The following ELP4 variants were observed in gnomAD, a reference collection of about 807,000 sequenced individuals.
ELP4 encodes elongator acetyltransferase complex subunit 4.
Under a neutral mutation model 48.9 loss-of-function variants are expected in ELP4, and 51 were observed. The ratio of observed to expected loss-of-function variants is 1.04; its 90% CI spans 0.83 to 1.32. The LOEUF is 1.32. Ranked by LOEUF, ELP4 falls within the 40% of genes most tolerant of loss-of-function variation. ELP4 has a pLI of 0.00. For synonymous variants in ELP4, 210 were observed against 189.2 expected (o/e 1.11, Z -0.90); for missense variants, 519 against 514.6 (o/e 1.01, Z -0.08).
chr11:31,515,035 A>G (rs476514), intron 1 of ELP4, among the ~76,000 whole-genome samples: 15,762 of 116,544 alleles, frequency 0.14, 968 homozygotes, highest in African/African-American at 0.29. Flanking sequence ...GTGTGTGTGT[A>G]TATATATATA....
At chr11:31,758,862 C>A (rs992568729) in intron 9 of ELP4, among the ~76,000 whole-genome samples, 3 of 151,888 alleles carry the variant, frequency 2.0e-5, no homozygotes, top group Non-Finnish European at 4.4e-5. Context: ...GAGACAAGGT[C>A]TCACCATGTT....
chr11:31,735,215 A>G (rs895889719), intron 9 of ELP4, among the ~76,000 whole-genome samples: 2 of 151,908 alleles, frequency 1.3e-5, no homozygotes, highest in Non-Finnish European at 2.9e-5. Flanking sequence ...CTTACACCAT[A>G]TAGAAAAATA....
At chr11:31,751,539 G>GA (rs927200376) in intron 9 of ELP4, among the ~76,000 whole-genome samples, 1 of 151,844 alleles carries the variant, frequency 6.6e-6, no homozygotes, top group Non-Finnish European at 1.5e-5. Context: ...GGAAGATGAG[G>GA]AAAAAAACAG....
intron 9 of ELP4, among the ~76,000 whole-genome samples, chr11:31,674,421 G>A (rs1945874452): frequency 6.6e-6 from 1 of 152,176 alleles, no homozygotes; most frequent in South Asian, 2.1e-4. Context: ...GAAAAACCTT[G>A]AAGTGTGATG....
chr11:31,552,452 C>G (rs1287118199), intron 3 of ELP4, among the ~76,000 whole-genome samples: 1 of 152,116 alleles, frequency 6.6e-6, no homozygotes, highest in Non-Finnish European at 1.5e-5. Context: ...TTGGAGATCT[C>G]AAACATCACA....
intron 3 of ELP4, among the ~76,000 whole-genome samples, chr11:31,565,929 TG>T (rs1235284799): frequency 6.6e-6 from 1 of 152,180 alleles, no homozygotes; most frequent in African/African-American, 2.4e-5. Context: ...GGTAGCTTGA[TG>T]GGGATGGCAT....
intron 2 of ELP4, among the ~76,000 whole-genome samples, chr11:31,533,022 C>T (rs1417250249): frequency 6.6e-6 from 1 of 151,960 alleles, no homozygotes. Flanking sequence ...GTGATCCACC[C>T]GCCTTGGCCT....
intron 3 of ELP4, among the ~76,000 whole-genome samples, 189 bp from the exon 4 acceptor site, chr11:31,594,575 GTTAAAC>G (rs1291653844): frequency 6.6e-6 from 1 of 152,154 alleles, no homozygotes; most frequent in East Asian, 1.9e-4. Context: ...TTGCTAAAAA[GTTAAAC>G]TTAAATGTTT....
chr11:31,621,690 G>A (rs1944624843), intron 5 of ELP4, among the ~76,000 whole-genome samples: 1 of 151,786 alleles, frequency 6.6e-6, no homozygotes, highest in Non-Finnish European at 1.5e-5. Context: ...CAAGTACATT[G>A]TAAGTAAGGC....
Position 31,698,886 on chromosome 11 carries a change from C to G in ELP4, c.1143+48665C>G, listed in dbSNP as rs1946465625. 2.6e-5 allele frequency among the ~76,000 whole-genome samples: 4 copies of G among 151,920 alleles called. No individual in the cohort carries two copies. The South Asian group carries it at 8.3e-4, about 32-fold the overall frequency. On this transcript the variant is annotated intron_variant, in intron 9 of 9. Transcript: ENST00000640961. Reference sequence around the variant, plus strand: ...CATCAAAATACATATTACCATGGAGCACATGAATATAGTGAATAAAAATTT... The same window carrying G: ...CATCAAAATACATATTACCATGGAGGACATGAATATAGTGAATAAAAATTT...
At chr11:31,583,973 T>C (rs1332956071) in intron 3 of ELP4, among the ~76,000 whole-genome samples, 1 of 152,140 alleles carries the variant, frequency 6.6e-6, no homozygotes, top group African/African-American at 2.4e-5. Context: ...AGCTAGAAGC[T>C]AGAATGTTGA....
At chr11:31,569,760 T>TG (rs1565058647) in intron 3 of ELP4, among the ~76,000 whole-genome samples, 2 of 151,946 alleles carry the variant, frequency 1.3e-5, no homozygotes, top group African/African-American at 4.8e-5. Flanking sequence ...CCAACAAACA[T>TG]GAAAAAATGC....
At chr11:31,622,063 T>C (rs562617594) in intron 5 of ELP4, among the ~76,000 whole-genome samples, 1 of 151,972 alleles carries the variant, frequency 6.6e-6, no homozygotes, top group East Asian at 1.9e-4. Flanking sequence ...GTGGTGACTG[T>C]GATACAAAAG....
intron 3 of ELP4, among the ~76,000 whole-genome samples, chr11:31,544,159 G>T (rs1462297324): frequency 6.6e-6 from 1 of 152,234 alleles, no homozygotes; most frequent in African/African-American, 2.4e-5. Flanking sequence ...CAGGTCAGTG[G>T]GTGCAGTGCA....
At chr11:31,582,871 A>G (rs1957412407) in intron 3 of ELP4, among the ~76,000 whole-genome samples, 1 of 145,828 alleles carries the variant, frequency 6.9e-6, no homozygotes, top group African/African-American at 2.5e-5. Flanking sequence ...AAGCCTTAGC[A>G]GTGGGAGGCA....
In ELP4 at chr11:31,783,628, T is replaced by C; in HGVS notation, c.*104T>C. On this transcript the variant is annotated 3_prime_UTR_variant, in exon 10 of 10. Transcript: ENST00000640961. Reference sequence around the variant, plus strand: ...CTTAACAATTTGACCCTCCACTCCTTGAAAAACACAGGATTATAAAATGGT... The same window carrying C: ...CTTAACAATTTGACCCTCCACTCCTCGAAAAACACAGGATTATAAAATGGT... The C allele has an allele frequency of 9.3e-7, 1 of 1,077,662 alleles. No individual in the cohort carries two copies. 66.8% of individuals were successfully genotyped at this position (1,077,662 alleles called of 1,614,324 possible).
Position 31,539,674 on chromosome 11 carries a change from A to G in ELP4, c.272A>G (p.Tyr91Cys), listed in dbSNP as rs758883150. ...GTVLLIEEDK[Y>C]NIYSPLLFKY... ...TTCCTTTTTACAGAGGAGGATAAAT[A>G]TAATATTTACTCACCTTTGCTCTTC... Residue 91 changes from tyrosine to cysteine, a missense_variant, in exon 3 of 10, where the codon TAT (tyrosine) becomes TGT (cysteine). Physicochemically the swap from Tyr to Cys is radical, Grantham distance 194. Transcript: ENST00000640961. The G allele has an allele frequency of 9.3e-6, 15 of 1,606,052 alleles. No homozygotes were observed. In the East Asian group the frequency reaches 3.4e-4, roughly 36 times the overall value.
chr11:31,599,171 A>G (rs1006133862), intron 4 of ELP4: 30 of 152,344 alleles, frequency 2.0e-4, no homozygotes, highest in African/African-American at 7.2e-4. Flanking sequence ...TGAAGGAATG[A>G]ATAGTATGTA....
chr11:31,778,813 T>C (rs1033341791), intron 9 of ELP4, among the ~76,000 whole-genome samples: 1 of 152,194 alleles, frequency 6.6e-6, no homozygotes, highest in African/African-American at 2.4e-5. Context: ...AGAACCTGTG[T>C]GTTCTAAGGT....
Sources: gnomAD v4.1 joint callset for allele counts (sites outside exome capture counted in the v4.1 genomes callset) on GRCh38, gnomAD v4.1.1 for gene constraint, MANE v1.5 for transcripts, NCBI Gene and HGNC (gene_info 2026-07-23, HGNC 2026-07-21) for gene names.